The following PLS1 variants were observed in gnomAD, a reference collection of about 807,000 sequenced individuals.
PLS1 encodes plastin 1.
PLS1 carries 32 observed loss-of-function variants against 73.7 expected under a neutral mutation model. The ratio of observed to expected loss-of-function variants is 0.43; its 90% confidence interval spans 0.33 to 0.58. PLS1 has a LOEUF of 0.58. Among genes scored for constraint, PLS1 ranks in the 20% least tolerant of loss-of-function variants. The pLI is 0.04. For synonymous variants in PLS1, 217 were observed against 261.3 expected (o/e 0.83, Z 1.63); for missense variants, 633 against 740.5 (o/e 0.85, Z 1.68).
At chr3:142,643,173 G>C (rs763238168) in intron 1 of PLS1, among the ~76,000 whole-genome samples, 11 of 152,170 alleles carry the variant, frequency 7.2e-5, no homozygotes, top group Non-Finnish European at 1.2e-4. Context: ...TGGAGGTTGA[G>C]GGAACAAGGC....
At chr3:142,603,895 T>C (rs1350388295) in intron 1 of PLS1, among the ~76,000 whole-genome samples, 1 of 151,892 alleles carries the variant, frequency 6.6e-6, no homozygotes. Context: ...TGATAGTAAA[T>C]TGGATGGAGA....
chr3:142,675,974 C>CCCAG (rs2037716163), intron 4 of PLS1, among the ~76,000 whole-genome samples, 183 bp from the exon 5 acceptor site: 1 of 152,230 alleles, frequency 6.6e-6, no homozygotes, highest in Non-Finnish European at 1.5e-5. Context: ...AGCCACCACA[C>CCCAG]CCAGCCACCT....
At chr3:142,636,016 AG>A (rs1577812170) in intron 1 of PLS1, among the ~76,000 whole-genome samples, 1 of 151,966 alleles carries the variant, frequency 6.6e-6, no homozygotes, top group African/African-American at 2.4e-5. Context: ...CAGCCTTTCA[AG>A]TAGCTAGGGT....
At chr3:142,688,678 T>C (rs2038023225) in intron 9 of PLS1, among the ~76,000 whole-genome samples, 1 of 152,230 alleles carries the variant, frequency 6.6e-6, no homozygotes, top group Admixed American at 6.5e-5. Context: ...ACTTTTTAAC[T>C]TCCTTTAAAG....
At chr3:142,641,167 T>C (rs1269505273) in intron 1 of PLS1, among the ~76,000 whole-genome samples, 1 of 144,394 alleles carries the variant, frequency 6.9e-6, no homozygotes, top group Non-Finnish European at 1.5e-5. Context: ...ATTATATATA[T>C]ATATATATTA....
intron 1 of PLS1, among the ~76,000 whole-genome samples, chr3:142,634,611 A>G (rs542272993): frequency 6.6e-6 from 1 of 152,288 alleles, no homozygotes; most frequent in African/African-American, 2.4e-5. Context: ...TAAAAGAAAA[A>G]CAGTCAACCT....
chr3:142,612,734 A>C (rs1438347256), intron 1 of PLS1, among the ~76,000 whole-genome samples: 1 of 152,106 alleles, frequency 6.6e-6, no homozygotes, highest in East Asian at 1.9e-4. Context: ...AAAAAGAAAA[A>C]AAAAATCCCT....
chr3:142,610,349 A>G (rs1220475104), intron 1 of PLS1, among the ~76,000 whole-genome samples: 1 of 152,146 alleles, frequency 6.6e-6, no homozygotes, highest in African/African-American at 2.4e-5. Context: ...CTTAAAAATA[A>G]TGCTCCGTAG....
intron 1 of PLS1, among the ~76,000 whole-genome samples, chr3:142,601,505 T>G (rs2035927282): frequency 6.6e-6 from 1 of 152,078 alleles, no homozygotes; most frequent in African/African-American, 2.4e-5. Flanking sequence ...TCCTGTGAGA[T>G]AGGTGCAACA....
intron 4 of PLS1, among the ~76,000 whole-genome samples, chr3:142,675,532 G>A (rs149755126): frequency 7.9e-5 from 12 of 152,126 alleles, no homozygotes; most frequent in African/African-American, 2.4e-4. Context: ...ACAGGCCCAC[G>A]CCACCATGCC....
chr3:142,632,609 T>TC (rs1398055451), intron 1 of PLS1, among the ~76,000 whole-genome samples: 1 of 151,628 alleles, frequency 6.6e-6, no homozygotes, highest in Non-Finnish European at 1.5e-5. Context: ...TTTTTTTTTT[T>TC]TTCCCCTGAG....
intron 6 of PLS1, among the ~76,000 whole-genome samples, chr3:142,681,353 T>C (rs1208841327): frequency 6.6e-6 from 1 of 152,118 alleles, no homozygotes; most frequent in Non-Finnish European, 1.5e-5. Flanking sequence ...TAGATGAAGA[T>C]CCCAGTACAA....
At chr3:142,608,265 C>T (rs9816128) in intron 1 of PLS1, among the ~76,000 whole-genome samples, 33,261 of 152,122 alleles carry the variant, frequency 0.22, 4,566 homozygotes, top group African/African-American at 0.39. Flanking sequence ...TGATCAAATT[C>T]GGTAGTGGAG....
intron 1 of PLS1, among the ~76,000 whole-genome samples, chr3:142,638,892 C>T (rs1014900782): frequency 1.3e-5 from 2 of 152,036 alleles, no homozygotes; most frequent in Non-Finnish European, 2.9e-5. Flanking sequence ...TAGGCATCCA[C>T]CGCCACGCCT....
At chr3:142,698,268 C>T in intron 12 of PLS1, 1 of 431,296 alleles carries the variant, frequency 2.3e-6, no homozygotes, top group Non-Finnish European at 4.1e-6. Context: ...CTTTATATAA[C>T]TATTTTCATC....
At chr3:142,711,729 T>G in intron 15 of PLS1, 104 bp downstream of exon 15, 1 of 1,295,496 alleles carries the variant, frequency 7.7e-7, no homozygotes, top group Non-Finnish European at 1.1e-6. Context: ...TAAATATAAC[T>G]TATATGTGAG....
chr3:142,611,373 A>G (rs867780555), intron 1 of PLS1, among the ~76,000 whole-genome samples: 3 of 152,168 alleles, frequency 2.0e-5, no homozygotes, highest in South Asian at 2.1e-4. Flanking sequence ...TGTAATCCCA[A>G]CACTTTGAGA....
chr3:142,599,625 G>A (rs912531787), intron 1 of PLS1, among the ~76,000 whole-genome samples: 18 of 152,032 alleles, frequency 1.2e-4, no homozygotes, highest in African/African-American at 9.7e-5. Context: ...CACCGCGCCC[G>A]GCCAGATATT....
chr3:142,658,368 C>G (rs138143249), intron 1 of PLS1, among the ~76,000 whole-genome samples: 2 of 151,124 alleles, frequency 1.3e-5, no homozygotes, highest in South Asian at 2.1e-4. Context: ...CCCAGCTACT[C>G]GGGAGGCTGA....
Sources: allele counts gnomAD v4.1 joint callset (sites outside exome capture counted in the v4.1 genomes callset), GRCh38; gene constraint gnomAD v4.1.1; transcripts MANE v1.5; gene names NCBI Gene and HGNC (gene_info 2026-07-23, HGNC 2026-07-21).